The following IGF1R variants were observed in gnomAD, a reference collection of about 807,000 sequenced individuals.
The protein encoded by IGF1R is insulin like growth factor 1 receptor.
In IGF1R, 44 loss-of-function variants were observed where a neutral mutation model predicts 144.6. The observed-to-expected ratio is 0.30, with a 90% CI of 0.24 to 0.39. The LOEUF is 0.39. IGF1R is among the 10% of genes least tolerant of loss of function. The pLI, the probability that IGF1R is intolerant of heterozygous loss-of-function variation, is 1.00. For missense variants in IGF1R, 1,355 were observed against 1,833.7 expected (o/e 0.74, Z 4.77); for synonymous variants, 795 against 722.8 (o/e 1.10, Z -1.60).
intron 1 of IGF1R, among the ~76,000 whole-genome samples, chr15:98,657,943 C>G (rs1283430843): frequency 6.6e-6 from 1 of 152,220 alleles, no homozygotes; most frequent in Non-Finnish European, 1.5e-5. Flanking sequence ...CCTGCATTGA[C>G]TCTGACTACA....
At chr15:98,678,208 G>A (rs916696404) in intron 1 of IGF1R, among the ~76,000 whole-genome samples, 2 of 152,078 alleles carry the variant, frequency 1.3e-5, no homozygotes, top group South Asian at 2.1e-4. Flanking sequence ...TCAAATTCCC[G>A]TGTTAAACTA....
chr15:98,946,580 G>A (rs1021147989), intron 19 of IGF1R, among the ~76,000 whole-genome samples: 6 of 152,322 alleles, frequency 3.9e-5, no homozygotes, highest in Admixed American at 6.5e-5. Context: ...TGGACAGTTC[G>A]CAGTGGGACT....
chr15:98,926,011 A>C (rs2015703420), intron 13 of IGF1R, among the ~76,000 whole-genome samples: 2 of 151,094 alleles, frequency 1.3e-5, no homozygotes, highest in South Asian at 4.2e-4. Context: ...AGCTCTCTGC[A>C]CTCCCATGTT....
intron 13 of IGF1R, 128 bp downstream of exon 13, chr15:98,924,812 T>C: frequency 2.2e-6 from 2 of 890,526 alleles, no homozygotes; most frequent in Non-Finnish European, 3.7e-6. Flanking sequence ...TCCAGAAGGG[T>C]CATGCTAAGG....
chr15:98,659,497 G>T (rs773499104), intron 1 of IGF1R, among the ~76,000 whole-genome samples: 10 of 152,162 alleles, frequency 6.6e-5, no homozygotes, highest in Admixed American at 1.3e-4. Context: ...TCTCTGGCTT[G>T]CTTCCTGGGG....
chr15:98,879,843 C>T (rs1001818577), intron 2 of IGF1R, among the ~76,000 whole-genome samples: 3 of 152,146 alleles, frequency 2.0e-5, no homozygotes, highest in Middle Eastern at 3.2e-3. Context: ...ATATTGAAAA[C>T]ATTACCTATG....
intron 18 of IGF1R, 83 bp from the exon 19 acceptor site, chr15:98,942,840 A>T (rs35021451): frequency 5.1e-6 from 8 of 1,577,034 alleles, no homozygotes; most frequent in Non-Finnish European, 6.1e-6. Flanking sequence ...GTCTCTCCAC[A>T]CATAATGAGT....
chr15:98,958,891 A>G lies in IGF1R; in HGVS notation c.*1449A>G, dbSNP rs2151741442. Reference sequence around the variant, plus strand: ...CACATAATTTGCCATGAACTGTTGGATGCCTTTTTATAAATACATCCCCCA... The same window carrying G: ...CACATAATTTGCCATGAACTGTTGGGTGCCTTTTTATAAATACATCCCCCA... On this transcript the variant is annotated 3_prime_UTR_variant, in exon 21 of 21. Transcript: ENST00000650285. 1 of 233,468 alleles carries G rather than the reference A, an allele frequency of 4.3e-6. No individual in the cohort carries two copies. The highest frequency in any genetic ancestry group is 6.0e-5 in the East Asian group (1 of 16,546). 14.5% of individuals were successfully genotyped at this position (233,468 alleles called of 1,614,324 possible). A position where few individuals can be genotyped will look rare whatever the true frequency, so the allele number is the denominator to read the frequency against.
intron 2 of IGF1R, among the ~76,000 whole-genome samples, chr15:98,830,415 C>G (rs955840660): frequency 7.2e-5 from 11 of 152,194 alleles, no homozygotes; most frequent in African/African-American, 2.7e-4. Flanking sequence ...AAAAACAAAC[C>G]TGCTTTCTGG....
At chr15:98,847,448 C>T (rs1466839067) in intron 2 of IGF1R, among the ~76,000 whole-genome samples, 2 of 152,198 alleles carry the variant, frequency 1.3e-5, no homozygotes, top group Non-Finnish European at 2.9e-5. Flanking sequence ...GTAGTCCTGC[C>T]TGCATTTGAA....
chr15:98,881,574 C>T lies in IGF1R; in HGVS notation c.641-9751C>T, dbSNP rs543818785. 2.6e-5 allele frequency among the ~76,000 whole-genome samples: 4 copies of T among 152,294 alleles called. No individual in the cohort carries two copies. In the East Asian group the frequency reaches 5.8e-4, roughly 22 times the overall value. On this transcript the variant is annotated intron_variant, in intron 2 of 20. Coordinates refer to ENST00000650285, the MANE Select transcript of IGF1R (RefSeq NM_000875.5). ...TTGACCTCAGGTGATCCACCCGTCT[C>T]GGCCTTCCAAAGTGCTGGGATTACA...
In IGF1R at chr15:98,951,459, C is replaced by T. The variant is rs115623118; in HGVS notation, c.3722+2751C>T. Among the ~76,000 whole-genome samples the T allele has an allele frequency of 2.2e-3, 334 of 152,348 alleles. 2 individuals are homozygous for T. Among genetic ancestry groups the T allele is most frequent in the African/African-American group, 7.7e-3 (319 of 41,582 alleles). ...CTCCCCTTCTGTGTTAGTTTTTTAT[C>T]GCAGTATAACAAACTACCCAAAACC... On this transcript the variant is annotated intron_variant, in intron 20 of 20. Coordinates refer to ENST00000650285, the MANE Select transcript of IGF1R (RefSeq NM_000875.5).
intron 2 of IGF1R, among the ~76,000 whole-genome samples, chr15:98,825,845 T>C (rs1490455407): frequency 6.6e-6 from 1 of 152,250 alleles, no homozygotes; most frequent in East Asian, 1.9e-4. Context: ...TGAATATTTT[T>C]GATCTGCAGT....
chr15:98,949,718 T>C (rs997375321), intron 20 of IGF1R, among the ~76,000 whole-genome samples: 1 of 152,220 alleles, frequency 6.6e-6, no homozygotes, highest in African/African-American at 2.4e-5. Flanking sequence ...GTCCTAAGTT[T>C]TGTCAGATGA....
At chr15:98,717,010 C>T (rs1336500919) in intron 2 of IGF1R, among the ~76,000 whole-genome samples, 1 of 152,144 alleles carries the variant, frequency 6.6e-6, no homozygotes, top group Non-Finnish European at 1.5e-5. Context: ...TTAGGTGGCT[C>T]CACATGCGGA....
At chr15:98,702,041 T>TTTC (rs1555433481) in intron 1 of IGF1R, among the ~76,000 whole-genome samples, 1 of 149,026 alleles carries the variant, frequency 6.7e-6, no homozygotes, top group East Asian at 2.0e-4. Context: ...CTGTTTTTTT[T>TTTC]TTTTTTTTTT....
At chr15:98,674,047 T>C (rs555211518) in intron 1 of IGF1R, among the ~76,000 whole-genome samples, 13 of 152,322 alleles carry the variant, frequency 8.5e-5, no homozygotes, top group African/African-American at 3.1e-4. Context: ...AGTTGAAATG[T>C]TAATGCTATC....
intron 2 of IGF1R, among the ~76,000 whole-genome samples, chr15:98,733,488 G>T (rs920889012): frequency 6.8e-6 from 1 of 147,998 alleles, no homozygotes; most frequent in East Asian, 2.0e-4. Flanking sequence ...GGCTGAGAAG[G>T]TTTTTTTTTT....
chr15:98,652,934 C>CTTT (rs5814887), intron 1 of IGF1R, among the ~76,000 whole-genome samples: 95 of 143,348 alleles, frequency 6.6e-4, no homozygotes, highest in African/African-American at 1.8e-3. Context: ...TCAATAAACC[C>CTTT]TTTTTTTTTT....
Sources: allele counts gnomAD v4.1 joint callset (sites outside exome capture counted in the v4.1 genomes callset), GRCh38; gene constraint gnomAD v4.1.1; transcripts MANE v1.5; gene names NCBI Gene and HGNC (gene_info 2026-07-23, HGNC 2026-07-21).